The following GRIA3 variants were observed in gnomAD, a reference collection of about 807,000 sequenced individuals.
The protein encoded by GRIA3 is glutamate ionotropic receptor AMPA type subunit 3.
A neutral mutation model predicts 63.0 loss-of-function variants in GRIA3; 3 were observed. The observed-to-expected ratio is 0.05, with a 90% CI of 0.02 to 0.12. GRIA3 has a LOEUF of 0.12. Among genes scored for constraint, GRIA3 ranks in the 10% least tolerant of loss-of-function variants. The probability of loss-of-function intolerance (pLI) is 1.00; values close to 1 mark genes in which losing one functional copy is unlikely to be tolerated. For missense variants in GRIA3, 347 were observed against 700.9 expected (o/e 0.50, Z 5.70); for synonymous variants, 274 against 257.9 (o/e 1.06, Z -0.60).
chrX:123,366,298 C>T (rs2045209878), intron 5 of GRIA3, among the ~76,000 whole-genome samples: 1 of 111,340 alleles, frequency 9.0e-6, no homozygotes, highest in African/African-American at 3.3e-5. Context: ...TGTTCAAATG[C>T]CTCTGACATT....
intron 4 of GRIA3, among the ~76,000 whole-genome samples, chrX:123,335,140 C>A (rs771611049): frequency 9.0e-6 from 1 of 110,822 alleles, no homozygotes; most frequent in African/African-American, 3.3e-5. Flanking sequence ...TCTTAGCTGA[C>A]TGACACTCTT....
intron 5 of GRIA3, among the ~76,000 whole-genome samples, chrX:123,388,249 A>AT (rs1297753375): frequency 9.1e-6 from 1 of 110,141 alleles, no homozygotes; most frequent in African/African-American, 3.3e-5. Context: ...ATGATCTTTC[A>AT]TTTTTTTCTT....
chrX:123,364,563 T>G (rs2045198440), intron 5 of GRIA3, among the ~76,000 whole-genome samples: 2 of 112,166 alleles, frequency 1.8e-5, no homozygotes, highest in South Asian at 7.4e-4. Flanking sequence ...AGTATGGAGG[T>G]TCCTCAAAAA....
intron 2 of GRIA3, among the ~76,000 whole-genome samples, chrX:123,249,795 A>G (rs2044379146): frequency 9.0e-6 from 1 of 111,658 alleles, no homozygotes; most frequent in South Asian, 3.8e-4. Context: ...CCCTTGTCTG[A>G]GTCACAACCA....
intron 9 of GRIA3, among the ~76,000 whole-genome samples, chrX:123,403,720 G>A (rs2045455732): frequency 9.0e-6 from 1 of 111,637 alleles, no homozygotes; most frequent in Non-Finnish European, 1.9e-5. Flanking sequence ...AAAAGAATAG[G>A]AATTTAGAAC....
intron 2 of GRIA3, among the ~76,000 whole-genome samples, chrX:123,190,188 C>T (rs1294400796): frequency 9.0e-6 from 1 of 110,514 alleles, no homozygotes; most frequent in Non-Finnish European, 1.9e-5. Flanking sequence ...CTTCCCTTAA[C>T]AGATTTTGCC....
intron 10 of GRIA3, among the ~76,000 whole-genome samples, 170 bp downstream of exon 10, chrX:123,405,084 A>T (rs1486872520): frequency 8.9e-6 from 1 of 112,724 alleles, no homozygotes; most frequent in Non-Finnish European, 1.9e-5. Context: ...GGTTGTCAGT[A>T]GTATCCTTTG....
chrX:123,310,600 T>C (rs965068181), intron 3 of GRIA3, among the ~76,000 whole-genome samples: 1 of 113,181 alleles, frequency 8.8e-6, no homozygotes, highest in East Asian at 2.8e-4. Context: ...TTGGGAACAA[T>C]CAGGGTAAGG....
At chrX:123,402,176 T>C (rs1015214961) in intron 7 of GRIA3, among the ~76,000 whole-genome samples, 3 of 110,971 alleles carry the variant, frequency 2.7e-5, no homozygotes, top group Non-Finnish European at 3.8e-5. Context: ...TATCCCTCTA[T>C]GGCTTAGCTC....
At chrX:123,409,492 A>G (rs2045494202) in intron 10 of GRIA3, among the ~76,000 whole-genome samples, 1 of 111,818 alleles carries the variant, frequency 8.9e-6, no homozygotes, top group Non-Finnish European at 1.9e-5. Flanking sequence ...AGTAGGACAC[A>G]ATGTGCCCCA....
At position 123,185,998 on chromosome X, in the gene GRIA3, G is replaced by T. The variant is rs774614482; in HGVS notation, c.268+8G>T. The T allele has an allele frequency of 6.7e-6, 8 of 1,197,089 alleles. No individual in the cohort carries two copies. In the Admixed American group the frequency reaches 1.8e-4, roughly 26 times the overall value. On this transcript the variant is annotated splice_region_variant and intron_variant, in intron 2 of 15. Coordinates refer to ENST00000620443, the MANE Select transcript of GRIA3 (RefSeq NM_007325.5). ...TTTCCGTGACAAATGCTTGTAAGTA[G>T]ATCTGCTTTTCCTCCCTTTGGGACG...
intron 5 of GRIA3, among the ~76,000 whole-genome samples, chrX:123,367,495 G>A (rs1265870887): frequency 9.2e-6 from 1 of 108,475 alleles, no homozygotes; most frequent in Non-Finnish European, 1.9e-5. Context: ...GGAGTGCAGT[G>A]GCGTGATCTC....
intron 4 of GRIA3, among the ~76,000 whole-genome samples, chrX:123,335,142 G>A (rs1359580102): frequency 1.8e-5 from 2 of 110,767 alleles, no homozygotes; most frequent in Non-Finnish European, 3.8e-5. Context: ...TTAGCTGACT[G>A]ACACTCTTAC....
chrX:123,194,774 A>G (rs1927530426), intron 2 of GRIA3, among the ~76,000 whole-genome samples: 3 of 112,582 alleles, frequency 2.7e-5, no homozygotes, highest in Non-Finnish European at 3.8e-5. Flanking sequence ...CTACAGAGAT[A>G]TACAGATTCA....
rs1245687430 is a variant in GRIA3, at chrX:123,360,853, TCTCACACA to T, written c.750+5892_750+5899del. On this transcript the variant is annotated intron_variant, in intron 5 of 15. Coordinates refer to ENST00000620443, the MANE Select transcript of GRIA3 (RefSeq NM_007325.5). ...TCCCTCCTCTCTCTCTCTCTCTCTCTCTCACACACACACACACACACACACACACACAC... is the reference window on the plus strand; with the variant it reads ...TCCCTCCTCTCTCTCTCTCTCTCTCTCACACACACACACACACACACACAC... Among the ~76,000 whole-genome samples, 127 of 26,255 alleles carry T rather than the reference TCTCACACA, an allele frequency of 4.8e-3. 1 individual carries two copies. Among genetic ancestry groups the T allele is most frequent in the African/African-American group, 0.015 (122 of 8,086 alleles). 22.8% of individuals were successfully genotyped at this position (26,255 alleles called of 115,157 possible).
chrX:123,313,140 A>G (rs1603086919), intron 3 of GRIA3, among the ~76,000 whole-genome samples: 1 of 111,314 alleles, frequency 9.0e-6, no homozygotes, highest in African/African-American at 3.3e-5. Context: ...ATTGGAAAAA[A>G]CTCAATTGAA....
At chrX:123,478,570 T>C (rs1037243060) in intron 13 of GRIA3, among the ~76,000 whole-genome samples, 12 of 112,257 alleles carry the variant, frequency 1.1e-4, no homozygotes, top group Non-Finnish European at 2.1e-4. Context: ...TCTCAGACTA[T>C]CTGAAGATAA....
chrX:123,377,060 G>A (rs1198838787), intron 5 of GRIA3, among the ~76,000 whole-genome samples: 5 of 106,167 alleles, frequency 4.7e-5, no homozygotes, highest in Non-Finnish European at 9.7e-5. Flanking sequence ...TCAGCCTCCC[G>A]AGCAGCTGGG....
At chrX:123,416,769 T>A (rs1404892140) in intron 10 of GRIA3, among the ~76,000 whole-genome samples, 1 of 113,153 alleles carries the variant, frequency 8.8e-6, no homozygotes, top group Admixed American at 9.3e-5. Context: ...CAACAACTTA[T>A]TTTTTAGGCA....
Sources: gnomAD v4.1 joint callset for allele counts (sites outside exome capture counted in the v4.1 genomes callset) on GRCh38, gnomAD v4.1.1 for gene constraint, MANE v1.5 for transcripts, NCBI Gene and HGNC (gene_info 2026-07-23, HGNC 2026-07-21) for gene names.